Variants in BRINP3 observed in about 807,000 individuals in gnomAD.
BRINP3 encodes BMP/retinoic acid-inducible neural-specific protein 3.
In BRINP3, 19 loss-of-function variants were observed where a neutral mutation model predicts 71.0. That is an observed-to-expected ratio of 0.27 (90% CI 0.19 to 0.39). BRINP3 has a LOEUF of 0.39. BRINP3 is among the 10% of genes least tolerant of loss of function. The probability of loss-of-function intolerance (pLI) is 1.00; values close to 1 mark genes in which losing one functional copy is unlikely to be tolerated. For synonymous variants in BRINP3, 380 were observed against 337.7 expected (o/e 1.13, Z -1.37); for missense variants, 959 against 940.8 (o/e 1.02, Z -0.25).
chr1:190,320,393 A>G (rs890062284), intron 2 of BRINP3, among the ~76,000 whole-genome samples: 4 of 152,150 alleles, frequency 2.6e-5, no homozygotes, highest in African/African-American at 9.7e-5. Flanking sequence ...CCCTCCTACC[A>G]CTACACAGTT....
intron 6 of BRINP3, among the ~76,000 whole-genome samples, chr1:190,224,648 G>A (rs191572733): frequency 2.0e-5 from 3 of 151,748 alleles, no homozygotes; most frequent in East Asian, 1.9e-4. Context: ...ATTATATCAA[G>A]CTAAAAAGCC....
chr1:190,473,153 T>G (rs890643621), intron 1 of BRINP3, among the ~76,000 whole-genome samples: 1 of 151,872 alleles, frequency 6.6e-6, no homozygotes, highest in East Asian at 1.9e-4. Context: ...CAAATATATA[T>G]GTATACACAC....
chr1:190,244,133 G>A (rs776358985), intron 4 of BRINP3, among the ~76,000 whole-genome samples: 2 of 151,944 alleles, frequency 1.3e-5, no homozygotes, highest in Non-Finnish European at 2.9e-5. Context: ...GAATCATCCT[G>A]AAACCATTCC....
intron 2 of BRINP3, among the ~76,000 whole-genome samples, chr1:190,425,430 C>T (rs1372040719): frequency 1.3e-5 from 2 of 151,700 alleles, no homozygotes; most frequent in Non-Finnish European, 3.0e-5. Flanking sequence ...ACAGCGTTTT[C>T]ATATTCTCAA....
At chr1:190,100,601 C>T (rs1308862957) in intron 7 of BRINP3, among the ~76,000 whole-genome samples, 1 of 152,014 alleles carries the variant, frequency 6.6e-6, no homozygotes, top group Non-Finnish European at 1.5e-5. Context: ...CTTGGAAAAT[C>T]CTAGCTCTGA....
Position 190,226,171 on chromosome 1 carries a change from C to G in BRINP3, c.872G>C (p.Cys291Ser). 6.2e-7 allele frequency: 1 copy of G among 1,612,454 alleles called. No homozygotes were observed. Among genetic ancestry groups the G allele is most frequent in the African/African-American group, 1.3e-5 (1 of 74,890 alleles). Residue 291 changes from cysteine (C) to serine (S), a missense_variant, in exon 6 of 8, where the codon TGC (cysteine) becomes TCC (serine). Coordinates refer to ENST00000367462, the MANE Select transcript of BRINP3 (RefSeq NM_199051.3). Reference sequence around the variant, plus strand: ...CATGGCTTGAATGTCCATGGAGGGGCAGTTGCATTCTGGAAATTTGGGACC... The same window carrying G: ...CATGGCTTGAATGTCCATGGAGGGGGAGTTGCATTCTGGAAATTTGGGACC... The part of the protein sequence containing the change: ...HCGPKFPECN[C>S]PSMDIQAMEE...
At chr1:190,172,893 G>A (rs1652146334) in intron 6 of BRINP3, among the ~76,000 whole-genome samples, 1 of 152,088 alleles carries the variant, frequency 6.6e-6, no homozygotes, top group Admixed American at 6.6e-5. Context: ...CCTCCCCAAG[G>A]TTTCAACTTC....
In BRINP3 at chr1:190,445,931, T is replaced by C. The variant is rs949542760; in HGVS notation, c.236+8724A>G. On this transcript the variant is annotated intron_variant, in intron 2 of 7. Coordinates refer to ENST00000367462, the MANE Select transcript of BRINP3 (RefSeq NM_199051.3). ...AAATAATTGTGTTAACTAGCAATCTTGTTTATTTTGTCATTATAATAGTAA... is the reference window on the plus strand; with the variant it reads ...AAATAATTGTGTTAACTAGCAATCTCGTTTATTTTGTCATTATAATAGTAA... Among the ~76,000 whole-genome samples the C allele has an allele frequency of 1.2e-4, 19 of 152,178 alleles. No individual in the cohort carries two copies. In the East Asian group the frequency reaches 3.7e-3, roughly 29 times the overall value.
intron 2 of BRINP3, among the ~76,000 whole-genome samples, chr1:190,334,169 T>C (rs868481966): frequency 1.9e-4 from 29 of 152,012 alleles, no homozygotes; most frequent in African/African-American, 7.0e-4. Flanking sequence ...AATAAGTTAA[T>C]TATACAAATG....
intron 1 of BRINP3, among the ~76,000 whole-genome samples, chr1:190,460,326 ATATAAC>A (rs1198098183): frequency 1.3e-5 from 2 of 151,078 alleles, no homozygotes; most frequent in Non-Finnish European, 3.0e-5. Context: ...ATATAATCAT[ATATAAC>A]TATAATAATT....
At chr1:190,172,918 C>T (rs1340147897) in intron 6 of BRINP3, among the ~76,000 whole-genome samples, 1 of 152,172 alleles carries the variant, frequency 6.6e-6, no homozygotes, top group Admixed American at 6.6e-5. Context: ...TGGCCAGATG[C>T]ATGCAACCTC....
intron 7 of BRINP3, among the ~76,000 whole-genome samples, chr1:190,138,741 G>A (rs1655180262): frequency 6.6e-6 from 1 of 152,120 alleles, no homozygotes; most frequent in Non-Finnish European, 1.5e-5. Context: ...AGACAGGTGG[G>A]TCTCAGAAAG....
At chr1:190,228,841 A>G (rs1349476904) in intron 5 of BRINP3, among the ~76,000 whole-genome samples, 1 of 151,916 alleles carries the variant, frequency 6.6e-6, no homozygotes, top group Non-Finnish European at 1.5e-5. Flanking sequence ...TACTGACAGC[A>G]CTATATTTAG....
At chr1:190,132,382 A>T (rs933281531) in intron 7 of BRINP3, among the ~76,000 whole-genome samples, 1 of 152,058 alleles carries the variant, frequency 6.6e-6, no homozygotes, top group African/African-American at 2.4e-5. Flanking sequence ...ATTGTATTAC[A>T]TCATGTAGGA....
intron 6 of BRINP3, among the ~76,000 whole-genome samples, chr1:190,219,184 A>G (rs909798900): frequency 6.6e-6 from 1 of 152,128 alleles, no homozygotes; most frequent in Non-Finnish European, 1.5e-5. Flanking sequence ...TAATCCTTCA[A>G]TGCAATTCAC....
intron 2 of BRINP3, among the ~76,000 whole-genome samples, chr1:190,443,281 T>A (rs1400170475): frequency 6.6e-6 from 1 of 151,148 alleles, no homozygotes; most frequent in East Asian, 2.0e-4. Context: ...GGCGGGCGCC[T>A]GTAATCCCAG....
chr1:190,278,381 T>C (rs1053034610), intron 3 of BRINP3, among the ~76,000 whole-genome samples: 1 of 151,582 alleles, frequency 6.6e-6, no homozygotes, highest in Non-Finnish European at 1.5e-5. Flanking sequence ...CCATTTTTTT[T>C]AAATGGAGAA....
chr1:190,335,323 A>T (rs796789738), intron 2 of BRINP3, among the ~76,000 whole-genome samples: 4 of 151,960 alleles, frequency 2.6e-5, no homozygotes, highest in African/African-American at 7.2e-5. Context: ...CTAAAGTTAA[A>T]CTTTTACTAC....
At chr1:190,283,320 G>T (rs1044400605) in intron 2 of BRINP3, among the ~76,000 whole-genome samples, 4 of 151,900 alleles carry the variant, frequency 2.6e-5, no homozygotes, top group Non-Finnish European at 4.4e-5. Context: ...GATTCATTAG[G>T]TATTAGATAG....
Sources: gnomAD v4.1 joint callset for allele counts (sites outside exome capture counted in the v4.1 genomes callset) on GRCh38, gnomAD v4.1.1 for gene constraint, MANE v1.5 for transcripts, NCBI Gene and HGNC (gene_info 2026-07-23, HGNC 2026-07-21) for gene names.